The following EZH1 variants were observed in gnomAD, a reference collection of about 807,000 sequenced individuals.
The protein encoded by EZH1 is histone-lysine N-methyltransferase EZH1.
Under a neutral mutation model 100.5 loss-of-function variants are expected in EZH1, and 33 were observed. That is an observed-to-expected ratio of 0.33 (90% CI 0.25 to 0.44). The LOEUF (loss-of-function observed/expected upper bound fraction) is 0.44. Among genes scored for constraint, EZH1 ranks in the 20% least tolerant of loss-of-function variants. The pLI is 1.00. For synonymous variants in EZH1, 272 were observed against 313.8 expected, an observed-to-expected ratio of 0.87 and a Z score of 1.41; for missense variants, 475 against 928.4, an observed-to-expected ratio of 0.51 and a Z score of 6.35.
Position 42,702,344 on chromosome 17 carries a change from T to C in EZH1, c.*188A>G. ...CCTGGGAGACCAAGCCCTAGCTGCC[T>C]CTGTCTCCCCTCTCATTGAGACAGT... On this transcript the variant is annotated 3_prime_UTR_variant, in exon 21 of 21. Coordinates refer to ENST00000428826, the MANE Select transcript of EZH1 (RefSeq NM_001991.5). 2.0e-6 allele frequency: 1 copy of C among 490,392 alleles called. No individual in the cohort carries two copies. Among genetic ancestry groups the C allele is most frequent in the African/African-American group, 1.9e-5 (1 of 52,138 alleles). 30.4% of individuals were successfully genotyped at this position (490,392 alleles called of 1,614,324 possible). A position where few individuals can be genotyped will look rare whatever the true frequency, so the allele number is the denominator to read the frequency against.
intron 10 of EZH1, chr17:42,714,619 G>A: frequency 3.1e-6 from 1 of 322,888 alleles, no homozygotes; most frequent in Non-Finnish European, 6.2e-6. Context: ...AGTGTTGAAG[G>A]CACAAGCAGA....
At chr17:42,712,523 G>A (rs769688291) in intron 11 of EZH1, 38 bp from the exon 12 acceptor site, 1 of 1,578,128 alleles carries the variant, frequency 6.3e-7, no homozygotes, top group Non-Finnish European at 8.6e-7. Context: ...GAAGAAGGTA[G>A]AATGCAGTTG....
At chr17:42,703,170 TG>T (rs2053280015) in intron 19 of EZH1, 1 of 502,378 alleles carries the variant, frequency 2.0e-6, no homozygotes, top group East Asian at 3.8e-5. Flanking sequence ...TGGGGTTTTT[TG>T]TTTTGTTTTG....
intron 2 of EZH1, 145 bp from the exon 3 acceptor site, chr17:42,729,097 T>A: frequency 1.3e-6 from 1 of 767,002 alleles, no homozygotes; most frequent in Non-Finnish European, 2.0e-6. Context: ...CCCAAATGTG[T>A]GAGTTCAACA....
At position 42,718,231 on chromosome 17, in the gene EZH1, C is replaced by A; in HGVS notation, c.932-164G>T. The A allele has an allele frequency of 1.2e-6, 1 of 842,178 alleles. No individual in the cohort carries two copies. The highest frequency in any genetic ancestry group is 2.5e-5 in the Admixed American group (1 of 40,352). 52.2% of individuals were successfully genotyped at this position (842,178 alleles called of 1,614,324 possible). On this transcript the variant is annotated intron_variant, in intron 9 of 20. Coordinates refer to ENST00000428826, the MANE Select transcript of EZH1 (RefSeq NM_001991.5). This position sits in a 1 kb window ranked among gnomAD's most constrained non-coding sequence, Gnocchi z 4.2. Reference sequence around the variant, plus strand: ...ATTTCTGACATCAACACAATGCTTTCAAAGCTAAGAGGTACTGAGGGACAG... The same window carrying A: ...ATTTCTGACATCAACACAATGCTTTAAAAGCTAAGAGGTACTGAGGGACAG...
intron 16 of EZH1, among the ~76,000 whole-genome samples, 191 bp from the exon 17 acceptor site, chr17:42,705,374 C>T (rs960171563): frequency 4.6e-5 from 7 of 152,166 alleles, no homozygotes; most frequent in Admixed American, 3.3e-4. Context: ...TGGTGACGAA[C>T]GGAAATAGGA....
At position 42,702,458 on chromosome 17, in the gene EZH1, C is replaced by G. The variant is rs1037322951; in HGVS notation, c.*74G>C. ...TGTGGGAGACACAGTGCAGGAGACT[C>G]GAGCAGCAGTGGTGTGAGCACGAAA... On this transcript the variant is annotated 3_prime_UTR_variant, in exon 21 of 21. Transcript: ENST00000428826. 2.3e-5 allele frequency: 29 copies of G among 1,279,878 alleles called. No individual in the cohort carries two copies. The highest frequency in any genetic ancestry group is 3.1e-5 in the Non-Finnish European group (28 of 910,306). The allele number at this position is 1,279,878 out of a possible 1,614,324, so 79.3% of individuals were successfully genotyped here.
rs773491323 is a variant in EZH1, at chr17:42,735,940, G to A, written c.-102-5022C>T. On this transcript the variant is annotated intron_variant, in intron 1 of 20. Coordinates refer to ENST00000428826, the MANE Select transcript of EZH1 (RefSeq NM_001991.5). ...GCAGAGGTTGCAGTGGGCCAAAATC[G>A]TGCCACTGCACTCCAACCTGGGAGA... Among the ~76,000 whole-genome samples, 10 of 152,012 alleles carry A rather than the reference G, an allele frequency of 6.6e-5. No homozygotes were observed. In the East Asian group the frequency reaches 1.3e-3, roughly 21 times the overall value.
chr17:42,740,437 C>T (rs2054155604), intron 1 of EZH1, among the ~76,000 whole-genome samples: 2 of 152,240 alleles, frequency 1.3e-5, no homozygotes, highest in South Asian at 4.1e-4. Flanking sequence ...CAGGTTTCAC[C>T]ATGTTGGCCA....
chr17:42,734,887 G>A (rs779585720), intron 1 of EZH1, among the ~76,000 whole-genome samples: 6 of 151,428 alleles, frequency 4.0e-5, no homozygotes, highest in Admixed American at 2.6e-4. Flanking sequence ...CAGCTACTTC[G>A]GAGGCTGAGG....
intron 18 of EZH1, among the ~76,000 whole-genome samples, chr17:42,704,267 G>A (rs979335569): frequency 1.3e-5 from 2 of 152,078 alleles, no homozygotes; most frequent in South Asian, 2.1e-4. Context: ...GGCCAAGTGC[G>A]GTGGCTTACT....
chr17:42,712,334 G>A lies in EZH1; in HGVS notation c.1356C>T (p.Asn452=), dbSNP rs771676599. The change falls in exon 12 of 21, where the codon AAC becomes AAT. Residue 452 remains asparagine, a synonymous_variant. Transcript: ENST00000428826. ...FRVFHGTYFN[N]FCSIARLLGT... is the part of the protein sequence containing the mutation. ...CCAGAAGCCTGGCTATTGAACAGAA[G>A]TTGTTGAAGTAGGTGCCATGGAAGA... The A allele has an allele frequency of 1.9e-6, 3 of 1,614,142 alleles. No individual in the cohort carries two copies. Among genetic ancestry groups the A allele is most frequent in the South Asian group, 1.1e-5 (1 of 91,076 alleles).
chr17:42,727,748 T>C lies in EZH1; in HGVS notation c.133A>G (p.Asn45Asp). The C allele has an allele frequency of 6.2e-7, 1 of 1,603,824 alleles. No homozygotes were observed. Among genetic ancestry groups the C allele is most frequent in the Non-Finnish European group, 8.5e-7 (1 of 1,176,690 alleles). The change falls in exon 4 of 21, where the codon AAT becomes GAT. Residue 45 changes from asparagine (N) to aspartate (D), a missense_variant. Transcript: ENST00000428826. ...NMGAKALYVA[N>D]FAKVQEKTQI... ...GTTTTTTCTTGAACCTTTGCAAAAT[T>C]TGCCACATACAAAGCCTAGCAAAGC...
At position 42,703,724 on chromosome 17, in the gene EZH1, G is replaced by C. The variant is rs2053292413; in HGVS notation, c.2098+16C>G. 2 of 1,606,210 alleles carry C rather than the reference G, an allele frequency of 1.2e-6. No homozygotes were observed. Among genetic ancestry groups the C allele is most frequent in the Non-Finnish European group, 1.7e-6 (2 of 1,172,896 alleles). ...CATCCATCCCCCACCCCACCTCCCA[G>C]GTTACTGGGACTCACCTTTGGCATA... On this transcript the variant is annotated intron_variant, in intron 19 of 20. Coordinates refer to ENST00000428826, the MANE Select transcript of EZH1 (RefSeq NM_001991.5).
chr17:42,721,327 G>A (rs1278839384), intron 6 of EZH1, among the ~76,000 whole-genome samples: 1 of 152,166 alleles, frequency 6.6e-6, no homozygotes, highest in Non-Finnish European at 1.5e-5. Context: ...TCTTACACAC[G>A]GACAGACTTT....
chr17:42,728,187 C>G (rs1388664233), intron 3 of EZH1, among the ~76,000 whole-genome samples: 1 of 148,148 alleles, frequency 6.8e-6, no homozygotes, highest in African/African-American at 2.5e-5. Flanking sequence ...CATCTCGGCT[C>G]ACTGCAACCT....
chr17:42,727,690 C>A lies in EZH1; in HGVS notation c.191G>T (p.Arg64Leu). The A allele has an allele frequency of 6.2e-7, 1 of 1,608,754 alleles. No homozygotes were observed. Among genetic ancestry groups the A allele is most frequent in the Non-Finnish European group, 8.5e-7 (1 of 1,178,362 alleles). Reference sequence around the variant, plus strand: ...CTTCATTGACTGAACAGGTTGGACACGAAGCTTCTTCCATTCTTCATTGAG... The same window carrying A: ...CTTCATTGACTGAACAGGTTGGACAAGAAGCTTCTTCCATTCTTCATTGAG... The part of the protein sequence containing the change: ...QILNEEWKKL[R>L]VQPVQSMKPV... The change falls in exon 4 of 21, where the codon CGT (arginine) becomes CTT (leucine). Residue 64 changes from arginine (R) to leucine (L), a missense_variant. Coordinates refer to ENST00000428826, the MANE Select transcript of EZH1 (RefSeq NM_001991.5).
chr17:42,744,901 G>GGATTCCTTCCAATTTCCTGATCCCTCC, intron 1 of EZH1, 110 bp downstream of exon 1: 1 of 1,157,070 alleles, frequency 8.6e-7, no homozygotes, highest in Admixed American at 3.0e-5. Flanking sequence ...TGTGTCCCTC[G>GGATTCCTTCCAATTTCCTGATCCCTCC]GATTCCTTCC....
rs1261372084 is a variant in EZH1 at position 42,707,949 on chromosome 17, C to T, written c.1660+9G>A. ...TTGGTAGACTATACAGAAAACGTAG[C>T]ACACTTACAGTCTGGGTTGCACTGG... On this transcript the variant is annotated intron_variant, in intron 15 of 20. Transcript: ENST00000428826. 2 of 1,613,360 alleles carry T rather than the reference C, an allele frequency of 1.2e-6. No individual in the cohort carries two copies. The highest frequency in any genetic ancestry group is 1.3e-5 in the African/African-American group (1 of 74,804).
Sources: gnomAD v4.1 joint callset for allele counts (sites outside exome capture counted in the v4.1 genomes callset) on GRCh38, gnomAD v4.1.1 for gene constraint, Gnocchi (gnomAD v3.1) non-coding constraint, MANE v1.5 for transcripts, NCBI Gene and HGNC (gene_info 2026-07-23, HGNC 2026-07-21) for gene names.